The following TAFA4 variants were observed in gnomAD, a reference collection of about 807,000 sequenced individuals.
The protein encoded by TAFA4 is TAFA chemokine like family member 4.
A neutral mutation model predicts 21.1 loss-of-function variants in TAFA4; 20 were observed. The ratio of observed to expected loss-of-function variants is 0.95; its 90% CI spans 0.67 to 1.38. The LOEUF (loss-of-function observed/expected upper bound fraction) is 1.38, where lower values mean the gene tolerates loss of function less well. Among genes scored for constraint, TAFA4 ranks in the 40% most tolerant of loss-of-function variants. The pLI is 0.00. For synonymous variants in TAFA4, 71 were observed against 67.4 expected (o/e 1.05, Z -0.26); for missense variants, 211 against 180.9 (o/e 1.17, Z -0.95).
intron 3 of TAFA4, among the ~76,000 whole-genome samples, chr3:68,816,697 ATC>A (rs1246976224): frequency 2.0e-5 from 3 of 152,180 alleles, no homozygotes; most frequent in Non-Finnish European, 4.4e-5. Context: ...TTACAGGCGT[ATC>A]TCTGAGATAT....
At chr3:68,751,771 T>A (rs1190146736) in intron 4 of TAFA4, among the ~76,000 whole-genome samples, 1 of 152,198 alleles carries the variant, frequency 6.6e-6, no homozygotes, top group Non-Finnish European at 1.5e-5. Context: ...AATATTTCTA[T>A]GATTATGGGG....
At chr3:68,851,732 TC>T (rs1220630489) in intron 3 of TAFA4, among the ~76,000 whole-genome samples, 1 of 152,066 alleles carries the variant, frequency 6.6e-6, no homozygotes, top group South Asian at 2.1e-4. Context: ...ATTTCAAAAC[TC>T]ATTGAAAGGT....
chr3:68,868,314 G>A (rs977249239), intron 3 of TAFA4, among the ~76,000 whole-genome samples: 1 of 151,850 alleles, frequency 6.6e-6, no homozygotes, highest in Admixed American at 6.6e-5. Flanking sequence ...AAATATATAT[G>A]CACCCAAATA....
chr3:68,775,309 A>G (rs779742872), intron 3 of TAFA4, among the ~76,000 whole-genome samples: 3 of 152,102 alleles, frequency 2.0e-5, no homozygotes, highest in Admixed American at 1.3e-4. Context: ...GTAGGTTTAG[A>G]CTGGGGATAA....
chr3:68,918,082 T>C (rs1300192845), intron 1 of TAFA4, among the ~76,000 whole-genome samples: 2 of 152,000 alleles, frequency 1.3e-5, no homozygotes, highest in Admixed American at 1.3e-4. Context: ...AGGTTTTCTC[T>C]CATGAGACAA....
At chr3:68,806,514 T>G (rs1361194126) in intron 3 of TAFA4, among the ~76,000 whole-genome samples, 1 of 151,992 alleles carries the variant, frequency 6.6e-6, no homozygotes, top group Non-Finnish European at 1.5e-5. Context: ...CATACAAGAG[T>G]TGGCCAAGAG....
intron 3 of TAFA4, among the ~76,000 whole-genome samples, chr3:68,776,064 A>C (rs1559517301): frequency 6.6e-6 from 1 of 152,210 alleles, no homozygotes; most frequent in Non-Finnish European, 1.5e-5. Flanking sequence ...AATTTCAAAA[A>C]GTATTCAAAA....
chr3:68,813,640 T>C (rs61524010), intron 3 of TAFA4, among the ~76,000 whole-genome samples: 96,311 of 151,900 alleles, frequency 0.63, 31,247 homozygotes, highest in East Asian at 0.98. Context: ...TCTGAATAGA[T>C]CAACAAAAGG....
At chr3:68,923,644 A>G (rs934908118) in intron 1 of TAFA4, among the ~76,000 whole-genome samples, 3 of 152,140 alleles carry the variant, frequency 2.0e-5, no homozygotes, top group African/African-American at 7.2e-5. Flanking sequence ...TTATTTTGAT[A>G]AAATACCAAT....
chr3:68,761,624 T>C (rs1702757213), intron 3 of TAFA4, among the ~76,000 whole-genome samples: 1 of 152,204 alleles, frequency 6.6e-6, no homozygotes, highest in Non-Finnish European at 1.5e-5. Flanking sequence ...TATAGAGGCT[T>C]GGGCTTTTAC....
intron 1 of TAFA4, among the ~76,000 whole-genome samples, chr3:68,901,293 A>G (rs1192524442): frequency 2.0e-5 from 3 of 152,084 alleles, no homozygotes; most frequent in African/African-American, 7.2e-5. Flanking sequence ...GAATTCCTCA[A>G]GAACTCCTAC....
chr3:68,778,311 C>T (rs1349728972), intron 3 of TAFA4, among the ~76,000 whole-genome samples: 1 of 152,088 alleles, frequency 6.6e-6, no homozygotes, highest in Admixed American at 6.5e-5. Context: ...AAAACAGGAA[C>T]TTCATAATCA....
chr3:68,881,569 A>T (rs1236131089), intron 2 of TAFA4, among the ~76,000 whole-genome samples: 8 of 152,336 alleles, frequency 5.3e-5, no homozygotes, highest in Admixed American at 4.6e-4. Flanking sequence ...AATTAAGTAG[A>T]TAGAACTCGA....
At position 68,733,164 on chromosome 3, in the gene TAFA4, T is replaced by C. The variant is rs776768398; in HGVS notation, c.412-11A>G. ...TCGCTACCGCGTTACCTAAAACAAA[T>C]CAAAATAAGGGAACATTCAACACTC... is the stretch of plus-strand genomic sequence containing the variant. On this transcript the variant is annotated splice_polypyrimidine_tract_variant and intron_variant, in intron 5 of 5. Coordinates refer to ENST00000295569, the MANE Select transcript of TAFA4 (RefSeq NM_182522.5). 6.2e-7 allele frequency: 1 copy of C among 1,612,288 alleles called. No homozygotes were observed. The highest frequency in any genetic ancestry group is 1.1e-5 in the South Asian group (1 of 90,894).
At chr3:68,863,906 T>G (rs2106927000) in intron 3 of TAFA4, among the ~76,000 whole-genome samples, 1 of 152,220 alleles carries the variant, frequency 6.6e-6, no homozygotes, top group African/African-American at 2.4e-5. Context: ...TAATGAGCAC[T>G]TTTTTACCTA....
At chr3:68,867,995 T>G (rs1029738867) in intron 3 of TAFA4, among the ~76,000 whole-genome samples, 2 of 152,020 alleles carry the variant, frequency 1.3e-5, no homozygotes, top group African/African-American at 4.8e-5. Context: ...TACTTCCATA[T>G]CCAATAACAA....
chr3:68,835,471 T>G (rs1026932894), intron 3 of TAFA4, among the ~76,000 whole-genome samples: 1 of 152,224 alleles, frequency 6.6e-6, no homozygotes, highest in African/African-American at 2.4e-5. Context: ...AATGCATTTC[T>G]TCCTTGTTAG....
chr3:68,920,874 A>T (rs2090054338), intron 1 of TAFA4, among the ~76,000 whole-genome samples: 1 of 152,158 alleles, frequency 6.6e-6, no homozygotes, highest in Admixed American at 6.5e-5. Context: ...TTCTTAAAAA[A>T]ATTAGGACAA....
chr3:68,864,452 G>A (rs911590274), intron 3 of TAFA4, among the ~76,000 whole-genome samples: 2 of 152,112 alleles, frequency 1.3e-5, no homozygotes, highest in Non-Finnish European at 2.9e-5. Flanking sequence ...AATACTTAGT[G>A]CTGGCAAGAA....
Sources: gnomAD v4.1 joint callset for allele counts (sites outside exome capture counted in the v4.1 genomes callset) on GRCh38, gnomAD v4.1.1 for gene constraint, MANE v1.5 for transcripts, NCBI Gene and HGNC (gene_info 2026-07-23, HGNC 2026-07-21) for gene names.